Variants in NOTCH2 observed in about 807,000 individuals in gnomAD.
NOTCH2 encodes neurogenic locus notch homolog protein 2.
In NOTCH2, 29 loss-of-function variants were observed where a neutral mutation model predicts 235.8. The observed-to-expected ratio is 0.12, with a 90% CI of 0.09 to 0.17. The LOEUF (loss-of-function observed/expected upper bound fraction) is 0.17. Ranked by LOEUF, NOTCH2 falls within the 10% of genes least tolerant of loss-of-function variation. The pLI, the probability that NOTCH2 is intolerant of heterozygous loss-of-function variation, is 1.00. For missense variants in NOTCH2, 2,285 were observed against 3,150.2 expected (o/e 0.73, Z 6.57); for synonymous variants, 1,086 against 1,141.5 (o/e 0.95, Z 0.98).
At chr1:119,969,066 G>A (rs1651261216) in intron 6 of NOTCH2, among the ~76,000 whole-genome samples, 1 of 152,208 alleles carries the variant, frequency 6.6e-6, no homozygotes, top group African/African-American at 2.4e-5. Context: ...TCTTCCCTGA[G>A]GGGAATATTT....
chr1:119,932,276 T>C (rs4659248), intron 22 of NOTCH2, among the ~76,000 whole-genome samples: 18,915 of 152,182 alleles, frequency 0.12, 1,588 homozygotes, highest in Middle Eastern at 0.22. Flanking sequence ...AAGGGAATTC[T>C]GTAGCTATAA....
At position 119,922,361 on chromosome 1, in the gene NOTCH2, C is replaced by A. The variant is rs2101154545; in HGVS notation, c.5088G>T (p.Gly1696=). The A allele has an allele frequency of 6.2e-7, 1 of 1,614,096 alleles. No individual in the cohort carries two copies. The highest frequency in any genetic ancestry group is 8.5e-7 in the Non-Finnish European group (1 of 1,180,022). Residue 1696 remains glycine, a synonymous_variant, in exon 28 of 34, where the codon GGG becomes GGT. Transcript: ENST00000256646. ...TACGCTTTCGTTTTGCCATGATTAC[C>A]CCCAGCAGAATAATAAACAGAATGA... ...VVIILFIILL[G]VIMAKRKRKH...
intron 17 of NOTCH2, among the ~76,000 whole-genome samples, chr1:119,943,724 T>C (rs1203180047): frequency 2.0e-5 from 3 of 151,686 alleles, no homozygotes; most frequent in African/African-American, 7.3e-5. Flanking sequence ...GTAGAAAAAA[T>C]ATGAACAGAA....
chr1:120,065,946 T>C (rs1167865438), intron 1 of NOTCH2, among the ~76,000 whole-genome samples: 1 of 151,470 alleles, frequency 6.6e-6, no homozygotes, highest in African/African-American at 2.4e-5. Context: ...CTTGCAGTTT[T>C]TTACTCTAAA....
chr1:120,063,280 C>T (rs1485261739), intron 1 of NOTCH2, among the ~76,000 whole-genome samples: 1 of 152,140 alleles, frequency 6.6e-6, no homozygotes, highest in African/African-American at 2.4e-5. Flanking sequence ...AATGAGTGAC[C>T]TTTATATCTC....
chr1:119,977,088 G>T (rs1651613195), intron 5 of NOTCH2, among the ~76,000 whole-genome samples: 1 of 151,960 alleles, frequency 6.6e-6, no homozygotes, highest in Non-Finnish European at 1.5e-5. Context: ...AGAAATGGGG[G>T]GTAGCTGTTT....
At chr1:120,029,349 A>AT (rs113233615) in intron 2 of NOTCH2, among the ~76,000 whole-genome samples, 25 of 151,230 alleles carry the variant, frequency 1.7e-4, no homozygotes, top group East Asian at 9.7e-4. Context: ...ATTTTTTTAT[A>AT]TTTTTTTTTA....
chr1:119,966,035 C>G (rs1416817580), intron 9 of NOTCH2, among the ~76,000 whole-genome samples: 1 of 152,088 alleles, frequency 6.6e-6, no homozygotes, highest in Non-Finnish European at 1.5e-5. Flanking sequence ...ATAACAGTCT[C>G]ACAGAGGGCC....
chr1:120,069,047 A>C, intron 1 of NOTCH2: 13 of 1,442,650 alleles, frequency 9.0e-6, no homozygotes, highest in Non-Finnish European at 1.1e-5. Context: ...TGGCACTACG[A>C]AAAAGGAGTT....
At chr1:119,933,220 T>C (rs1649729294) in intron 22 of NOTCH2, among the ~76,000 whole-genome samples, 1 of 152,192 alleles carries the variant, frequency 6.6e-6, no homozygotes, top group Admixed American at 6.5e-5. Context: ...GCAGAACTGT[T>C]ACATTTAGCC....
Position 119,967,558 on chromosome 1 carries a change from T to G in NOTCH2, c.1328A>C (p.Glu443Ala). Residue 443 changes from glutamate (E) to alanine (A), a missense_variant, in exon 8 of 34, where the codon GAG becomes GCG. Physicochemically the swap from Glu to Ala is moderately radical, Grantham distance 107 (BLOSUM62 -1). Coordinates refer to ENST00000256646, the MANE Select transcript of NOTCH2 (RefSeq NM_024408.4). ...CVNTDGAFHC[E>A]CLKGYAGPRC... ...AGGTCCTGCATAACCCTTCAGACACTCACAGTGGAAGGCGCCATCCGTGTT... is the reference window on the plus strand; with the variant it reads ...AGGTCCTGCATAACCCTTCAGACACGCACAGTGGAAGGCGCCATCCGTGTT... 6.2e-7 allele frequency: 1 copy of G among 1,614,086 alleles called. No homozygotes were observed. Among genetic ancestry groups the G allele is most frequent in the Non-Finnish European group, 8.5e-7 (1 of 1,179,984 alleles).
chr1:119,950,529 C>T (rs587639511), intron 15 of NOTCH2, 195 bp downstream of exon 15: 98 of 696,428 alleles, frequency 1.4e-4, no homozygotes, highest in South Asian at 1.4e-3. Context: ...AAATGACTGT[C>T]CACCACTTGC....
At chr1:119,981,192 C>A (rs143612101) in intron 5 of NOTCH2, among the ~76,000 whole-genome samples, 1 of 152,256 alleles carries the variant, frequency 6.6e-6, no homozygotes, top group East Asian at 1.9e-4. Context: ...AGTTCCCATC[C>A]ATTACTCAGA....
At chr1:120,015,319 T>A (rs587662155) in intron 2 of NOTCH2, among the ~76,000 whole-genome samples, 2 of 152,182 alleles carry the variant, frequency 1.3e-5, no homozygotes, top group East Asian at 3.9e-4. Context: ...GGCCCCCCAA[T>A]CCGCAGTGGC....
At chr1:119,921,618 T>C (rs1342221502) in intron 29 of NOTCH2, 95 bp downstream of exon 29, 4 of 980,850 alleles carry the variant, frequency 4.1e-6, no homozygotes, top group African/African-American at 1.6e-5. Flanking sequence ...TATCACTCTT[T>C]ACTCCCATTC....
At chr1:119,958,095 A>G (rs1240430797) in intron 12 of NOTCH2, among the ~76,000 whole-genome samples, 1 of 152,186 alleles carries the variant, frequency 6.6e-6, no homozygotes, top group African/African-American at 2.4e-5. Context: ...AATGTTACCT[A>G]TTCTCTTTGT....
At chr1:119,988,082 T>C (rs1553202446) in intron 4 of NOTCH2, among the ~76,000 whole-genome samples, 1 of 152,074 alleles carries the variant, frequency 6.6e-6, no homozygotes, top group Non-Finnish European at 1.5e-5. Context: ...TCCCTTAAGG[T>C]TCCTCTCTCT....
At position 119,912,427 on chromosome 1, in the gene NOTCH2, G is replaced by T; in HGVS notation, c.*2879C>A. The T allele has an allele frequency of 4.3e-6, 1 of 233,168 alleles. No homozygotes were observed. Among genetic ancestry groups the T allele is most frequent in the Non-Finnish European group, 8.5e-6 (1 of 117,860 alleles). 14.4% of individuals were successfully genotyped at this position (233,168 alleles called of 1,614,324 possible). A position where few individuals can be genotyped will look rare whatever the true frequency, so the allele number is the denominator to read the frequency against. On this transcript the variant is annotated 3_prime_UTR_variant, in exon 34 of 34. Coordinates refer to ENST00000256646, the MANE Select transcript of NOTCH2 (RefSeq NM_024408.4). ...TTTATTATGCAAAAATTACAAATTGGCAAATTCAATAAGAGGATGCAATGG... is the reference window on the plus strand; with the variant it reads ...TTTATTATGCAAAAATTACAAATTGTCAAATTCAATAAGAGGATGCAATGG...
At chr1:120,011,655 AC>A (rs1553206946) in intron 2 of NOTCH2, among the ~76,000 whole-genome samples, 3 of 151,928 alleles carry the variant, frequency 2.0e-5, no homozygotes, top group African/African-American at 7.3e-5. Context: ...CTCTTGTATT[AC>A]TCGCTCCAGT....
Sources: gnomAD v4.1 joint callset for allele counts (sites outside exome capture counted in the v4.1 genomes callset) on GRCh38, gnomAD v4.1.1 for gene constraint, MANE v1.5 for transcripts, NCBI Gene and HGNC (gene_info 2026-07-23, HGNC 2026-07-21) for gene names.